EIF3L: variants seen among roughly 807,000 people sequenced by gnomAD.
The protein encoded by EIF3L is eIEF associated protein HSPC021.
EIF3L carries 32 observed loss-of-function variants against 74.6 expected under a neutral mutation model. The observed-to-expected ratio is 0.43, with a 90% CI of 0.32 to 0.58. EIF3L has a LOEUF of 0.58. EIF3L is among the 20% of genes least tolerant of loss of function. The probability of loss-of-function intolerance (pLI) is 0.06; values close to 1 mark genes in which losing one functional copy is unlikely to be tolerated. For synonymous variants in EIF3L, 256 were observed against 254.4 expected (o/e 1.01, Z -0.06); for missense variants, 474 against 707.8 (o/e 0.67, Z 3.75).
intron 5 of EIF3L, 45 bp downstream of exon 5, chr22:37,858,785 T>C (rs764613108): frequency 4.6e-6 from 7 of 1,535,022 alleles, no homozygotes; most frequent in Non-Finnish European, 6.2e-6. Flanking sequence ...TTTGTTTTTT[T>C]AACTCTGTGC....
chr22:37,875,714 T>G, intron 9 of EIF3L, 127 bp from the exon 10 acceptor site: 1 of 812,142 alleles, frequency 1.2e-6, no homozygotes, highest in East Asian at 2.7e-5. Context: ...GCTCTCAAAC[T>G]CTGGGACTCC....
chr22:37,877,654 A>G lies in EIF3L; in HGVS notation c.1078-20A>G. On this transcript the variant is annotated intron_variant, in intron 10 of 12. Coordinates refer to ENST00000652021, the MANE Select transcript of EIF3L (RefSeq NM_016091.4). ...AGTCCGTCTCATTTGACCCAGTACC[A>G]CTCTCCACCCCATCCCCAGATTAAC... The G allele has an allele frequency of 6.3e-7, 1 of 1,575,782 alleles. No individual in the cohort carries two copies. Among genetic ancestry groups the G allele is most frequent in the Non-Finnish European group, 8.6e-7 (1 of 1,160,498 alleles).
intron 4 of EIF3L, among the ~76,000 whole-genome samples, chr22:37,856,905 T>C: frequency 6.6e-6 from 1 of 151,676 alleles, no homozygotes. Context: ...TTGTTCTTTT[T>C]TTTTTTTTCC....
intron 4 of EIF3L, among the ~76,000 whole-genome samples, chr22:37,856,777 G>C (rs941005804): frequency 2.6e-5 from 4 of 151,784 alleles, no homozygotes; most frequent in African/African-American, 9.7e-5. Context: ...CCGGAAGGCA[G>C]AGGTTGCGGT....
intron 11 of EIF3L, chr22:37,879,493 C>CAAAAAAAAAAAA (rs771897693): frequency 7.9e-6 from 1 of 126,826 alleles, no homozygotes. Context: ...CACTCCGTCT[C>CAAAAAAAAAAAA]AAAAAAAAAA....
chr22:37,877,979 C>T lies in EIF3L; in HGVS notation c.1383C>T (p.Arg461=), dbSNP rs1051941394. The change falls in exon 11 of 13, where the codon CGC becomes CGT. Residue 461 remains arginine (R), a synonymous_variant. Coordinates refer to ENST00000652021, the MANE Select transcript of EIF3L (RefSeq NM_016091.4). ...VQQQAQLSTI[R]SFLKLYTTMP... Reference sequence around the variant, plus strand: ...AGCAGGCCCAGCTTTCAACCATCCGCAGCTTCCTGAAGCTCTACACCACCA... The same window carrying T: ...AGCAGGCCCAGCTTTCAACCATCCGTAGCTTCCTGAAGCTCTACACCACCA... 1.9e-6 allele frequency: 3 copies of T among 1,612,606 alleles called. No homozygotes were observed. The highest frequency in any genetic ancestry group is 2.7e-5 in the African/African-American group (2 of 74,768).
intron 4 of EIF3L, among the ~76,000 whole-genome samples, chr22:37,857,708 A>AT (rs1925609630): frequency 6.6e-6 from 1 of 151,178 alleles, no homozygotes; most frequent in Admixed American, 6.6e-5. Context: ...GATTTTTTGT[A>AT]TTTTTAGTAG....
chr22:37,864,167 C>A (rs1926018939), intron 7 of EIF3L, among the ~76,000 whole-genome samples: 1 of 152,040 alleles, frequency 6.6e-6, no homozygotes, highest in Non-Finnish European at 1.5e-5. Flanking sequence ...AGTGATTTTC[C>A]CACCTCAGCC....
chr22:37,859,374 C>CTTTTTTTGTTTTTTTTTTTT (rs1925720455), intron 5 of EIF3L, among the ~76,000 whole-genome samples: 1 of 79,162 alleles, frequency 1.3e-5, no homozygotes, highest in African/African-American at 5.7e-5. Context: ...CGTGAAGTTT[C>CTTTTTTTGTTTTTTTTTTTT]TTTTTTTTTT....
rs1927433183 is a variant in EIF3L, at chr22:37,888,451, GAC to G, written c.1684_1685del (p.Gln562GlufsTer26). ...CTTAATCGAACCCTGAAGAAGATGG[GAC>G]AGAGACCTTGATGATATTCACACAC... On this transcript the variant is annotated frameshift_variant, in exon 13 of 13. Transcript: ENST00000652021. LOFTEE classifies it high-confidence loss of function. 6.2e-7 allele frequency: 1 copy of G among 1,613,920 alleles called. No homozygotes were observed.
intron 2 of EIF3L, 138 bp downstream of exon 2, chr22:37,850,201 G>GCTAATTATAAA: frequency 1.1e-6 from 1 of 890,076 alleles, no homozygotes; most frequent in Non-Finnish European, 1.8e-6. Flanking sequence ...GCCAGTGCGA[G>GCTAATTATAAA]GGGTTTTATA....
At chr22:37,867,403 A>T (rs949438760) in intron 7 of EIF3L, among the ~76,000 whole-genome samples, 1 of 152,142 alleles carries the variant, frequency 6.6e-6, no homozygotes, top group Non-Finnish European at 1.5e-5. Flanking sequence ...TCACGCCTGT[A>T]ATCTTAGCAC....
intron 7 of EIF3L, 75 bp from the exon 8 acceptor site, chr22:37,870,101 G>A (rs192799792): frequency 4.9e-5 from 68 of 1,383,304 alleles, no homozygotes; most frequent in East Asian, 3.8e-4. Context: ...GCATTGCCTC[G>A]TTTTCAGCAT....
At chr22:37,859,444 C>G (rs531413945) in intron 5 of EIF3L, among the ~76,000 whole-genome samples, 1 of 132,878 alleles carries the variant, frequency 7.5e-6, no homozygotes, top group African/African-American at 3.0e-5. Flanking sequence ...TACAGTGGCG[C>G]GATCTCAGCT....
At chr22:37,853,469 C>A (rs1361323590) in intron 3 of EIF3L, among the ~76,000 whole-genome samples, 2 of 152,176 alleles carry the variant, frequency 1.3e-5, no homozygotes, top group African/African-American at 4.8e-5. Context: ...GTATATAAAT[C>A]AGCGCCTACA....
chr22:37,870,506 G>C (rs538439608), intron 8 of EIF3L, among the ~76,000 whole-genome samples, 159 bp downstream of exon 8: 1 of 152,276 alleles, frequency 6.6e-6, no homozygotes, highest in East Asian at 1.9e-4. Context: ...CAGTAGCAGA[G>C]TATTTGTGCT....
At chr22:37,849,594 C>G in intron 1 of EIF3L, 112 bp downstream of exon 1, 1 of 1,248,346 alleles carries the variant, frequency 8.0e-7, no homozygotes. Flanking sequence ...TCCGGCCGAC[C>G]TCCCGCCCGG....
At chr22:37,873,071 C>T (rs1447398170) in intron 8 of EIF3L, among the ~76,000 whole-genome samples, 1 of 151,880 alleles carries the variant, frequency 6.6e-6, no homozygotes, top group Non-Finnish European at 1.5e-5. Context: ...TCACTGCAAC[C>T]TCCGCCTCCC....
chr22:37,855,233 G>C (rs1006562892), intron 3 of EIF3L, among the ~76,000 whole-genome samples: 1 of 152,164 alleles, frequency 6.6e-6, no homozygotes, highest in African/African-American at 2.4e-5. Flanking sequence ...AGATGGAAAC[G>C]CTGTGTTAAA....
Sources: gnomAD v4.1 joint callset for allele counts (sites outside exome capture counted in the v4.1 genomes callset) on GRCh38, gnomAD v4.1.1 for gene constraint, MANE v1.5 for transcripts, NCBI Gene and HGNC (gene_info 2026-07-23, HGNC 2026-07-21) for gene names.